MBD5: variants seen among roughly 807,000 people sequenced by gnomAD.
MBD5 encodes the protein methyl-CpG-binding domain protein 5.
Under a neutral mutation model 117.3 loss-of-function variants are expected in MBD5, and 13 were observed. The observed-to-expected ratio is 0.11, with a 90% CI of 0.07 to 0.18. The LOEUF is 0.18. Ranked by LOEUF, MBD5 falls within the 10% of genes least tolerant of loss-of-function variation. The pLI is 1.00. For missense variants in MBD5, 1,879 were observed against 2,093.8 expected, an observed-to-expected ratio of 0.90 and a Z score of 2.00; for synonymous variants, 727 against 766.4, an observed-to-expected ratio of 0.95 and a Z score of 0.85.
intron 3 of MBD5, among the ~76,000 whole-genome samples, chr2:148,254,313 C>G (rs1700532469): frequency 6.6e-6 from 1 of 152,170 alleles, no homozygotes; most frequent in African/African-American, 2.4e-5. Context: ...GCAGCAGTTA[C>G]TATGTTTAAG....
chr2:148,462,478 G>A (rs1707119498), intron 5 of MBD5, 104 bp from the exon 6 acceptor site: 1 of 769,368 alleles, frequency 1.3e-6, no homozygotes, highest in African/African-American at 1.7e-5. Flanking sequence ...TCCCTAGTGG[G>A]AAAATATCCC....
intron 1 of MBD5, among the ~76,000 whole-genome samples, chr2:148,164,436 G>A (rs115986438): frequency 2.9e-3 from 448 of 152,112 alleles, no homozygotes; most frequent in Non-Finnish European, 5.2e-3. Context: ...GCTTGGAGCA[G>A]TGCCCATTTT....
At position 148,469,515 on chromosome 2, in the gene MBD5, A is replaced by C; in HGVS notation, c.1572A>C (p.Pro524=). The part of the protein sequence containing the change: ...GHHQYKDIPN[P]LIAGISNVLN... ...ATCAGTACAAGGATATCCCTAACCC[A>C]TTAATTGCTGGAATAAGTAATGTAC... The change falls in exon 8 of 14, where the codon CCA becomes CCC. Residue 524 remains proline (P), a synonymous_variant. Coordinates refer to ENST00000642680, the MANE Select transcript of MBD5 (RefSeq NM_001378120.1). The C allele has an allele frequency of 6.2e-7, 1 of 1,613,794 alleles. No individual in the cohort carries two copies. Among genetic ancestry groups the C allele is most frequent in the East Asian group, 2.2e-5 (1 of 44,874 alleles).
Position 148,488,982 on chromosome 2 carries a change from A to G in MBD5, c.3754-404A>G, listed in dbSNP as rs10497034. On this transcript the variant is annotated intron_variant, in intron 10 of 13. Coordinates refer to ENST00000642680, the MANE Select transcript of MBD5 (RefSeq NM_001378120.1). The stretch of plus-strand genomic sequence containing the variant: ...CATCAGTGAGTTAGAAATCATTTTC[A>G]AAATCTTTCTCCTTTGCTAATTTGA... 0.03 allele frequency among the ~76,000 whole-genome samples: 4,536 copies of G among 152,260 alleles called. 549 individuals are homozygous for G. In the East Asian group the frequency reaches 0.38, roughly 13 times the overall value.
intron 1 of MBD5, among the ~76,000 whole-genome samples, chr2:148,112,671 A>T (rs182292403): frequency 4.6e-5 from 7 of 152,230 alleles, no homozygotes; most frequent in Non-Finnish European, 1.0e-4. Flanking sequence ...TTGTTACCCA[A>T]TTATACTTAC....
At chr2:148,439,797 G>C (rs973736746) in intron 4 of MBD5, among the ~76,000 whole-genome samples, 6 of 148,432 alleles carry the variant, frequency 4.0e-5, no homozygotes, top group Non-Finnish European at 7.4e-5. Flanking sequence ...GAAGTGCAGT[G>C]GTATGATCAT....
chr2:148,510,815 A>G (rs183882147), intron 13 of MBD5, among the ~76,000 whole-genome samples: 1 of 152,350 alleles, frequency 6.6e-6, no homozygotes, highest in African/African-American at 2.4e-5. Flanking sequence ...AATCCAACCA[A>G]ACCATCATTT....
At chr2:148,218,643 A>G (rs1699612693) in intron 2 of MBD5, among the ~76,000 whole-genome samples, 1 of 152,226 alleles carries the variant, frequency 6.6e-6, no homozygotes, top group African/African-American at 2.4e-5. Flanking sequence ...CCTACTGTAC[A>G]CTTACGCTAT....
intron 1 of MBD5, among the ~76,000 whole-genome samples, chr2:148,125,742 C>A (rs1201260499): frequency 6.6e-6 from 1 of 152,204 alleles, no homozygotes; most frequent in Non-Finnish European, 1.5e-5. Context: ...AATTTTCTGT[C>A]TCTCTTACTA....
chr2:148,374,472 TG>T (rs1200023798), intron 4 of MBD5, among the ~76,000 whole-genome samples: 2 of 152,220 alleles, frequency 1.3e-5, no homozygotes, highest in African/African-American at 4.8e-5. Context: ...ATCCAGTTGT[TG>T]TTTTTTATTA....
chr2:148,147,994 A>G (rs1350442411), intron 1 of MBD5, among the ~76,000 whole-genome samples: 8 of 152,144 alleles, frequency 5.3e-5, no homozygotes, highest in Non-Finnish European at 8.8e-5. Context: ...GTAGACCCCT[A>G]TGAACATTTT....
intron 3 of MBD5, among the ~76,000 whole-genome samples, chr2:148,234,608 T>C (rs544477047): frequency 6.6e-6 from 1 of 152,284 alleles, no homozygotes; most frequent in Admixed American, 6.5e-5. Context: ...TATGGAACCA[T>C]GAAGTGGTTA....
intron 4 of MBD5, among the ~76,000 whole-genome samples, chr2:148,390,829 G>A (rs917878681): frequency 1.3e-5 from 2 of 152,056 alleles, no homozygotes; most frequent in Non-Finnish European, 2.9e-5. Context: ...CCAAAGTGCT[G>A]GGAAATCAGG....
At chr2:148,100,971 T>C (rs1168639700) in intron 1 of MBD5, among the ~76,000 whole-genome samples, 1 of 152,152 alleles carries the variant, frequency 6.6e-6, no homozygotes, top group African/African-American at 2.4e-5. Context: ...ACACTCCTCA[T>C]TTCAGAATGT....
At chr2:148,240,126 A>G (rs967587946) in intron 3 of MBD5, among the ~76,000 whole-genome samples, 1 of 152,196 alleles carries the variant, frequency 6.6e-6, no homozygotes, top group African/African-American at 2.4e-5. Context: ...AGGGACATAG[A>G]TGAAGCTGGA....
intron 1 of MBD5, among the ~76,000 whole-genome samples, chr2:148,095,964 ATAT>A (rs1382292898): frequency 1.3e-5 from 2 of 152,144 alleles, no homozygotes; most frequent in Non-Finnish European, 2.9e-5. Context: ...GTTAAAAGTG[ATAT>A]TATTAATTTT....
chr2:148,077,004 T>C (rs1695525344), intron 1 of MBD5, among the ~76,000 whole-genome samples: 1 of 152,162 alleles, frequency 6.6e-6, no homozygotes, highest in Admixed American at 6.5e-5. Context: ...GGAAAAGAAA[T>C]GAATGAAGGG....
intron 1 of MBD5, among the ~76,000 whole-genome samples, chr2:148,171,185 G>C (rs1698253920): frequency 6.6e-6 from 1 of 152,158 alleles, no homozygotes; most frequent in South Asian, 2.1e-4. Flanking sequence ...TTTAAAAAAA[G>C]AAAATTACAG....
At chr2:148,180,041 A>G (rs1403870965) in intron 2 of MBD5, among the ~76,000 whole-genome samples, 2 of 150,814 alleles carry the variant, frequency 1.3e-5, no homozygotes, top group Non-Finnish European at 3.0e-5. Context: ...TCTTTTTTCT[A>G]TTTTTCTTTA....
Sources: allele counts gnomAD v4.1 joint callset (sites outside exome capture counted in the v4.1 genomes callset), GRCh38; gene constraint gnomAD v4.1.1; transcripts MANE v1.5; gene names NCBI Gene and HGNC (gene_info 2026-07-23, HGNC 2026-07-21).